Variants in COL21A1 observed in about 807,000 individuals in gnomAD.
COL21A1 encodes the protein collagen alpha-1(XXI) chain.
COL21A1 carries 149 observed loss-of-function variants against 137.9 expected under a neutral mutation model. That is an observed-to-expected ratio of 1.08 (90% CI 0.95 to 1.24). The LOEUF (loss-of-function observed/expected upper bound fraction) is 1.24, where lower values mean the gene tolerates loss of function less well. Ranked by LOEUF, COL21A1 falls within the 50% of genes most tolerant of loss-of-function variation. The probability of loss-of-function intolerance (pLI) is 0.00; values close to 1 mark genes in which losing one functional copy is unlikely to be tolerated. For synonymous variants in COL21A1, 456 were observed against 391.5 expected, an observed-to-expected ratio of 1.16 and a Z score of -1.95; for missense variants, 1,167 against 1,158.4, an observed-to-expected ratio of 1.01 and a Z score of -0.11.
chr6:56,290,742 C>T (rs9396190), intron 1 of COL21A1, among the ~76,000 whole-genome samples: 72,220 of 151,756 alleles, frequency 0.48, 18,687 homozygotes, highest in Non-Finnish European at 0.6. Flanking sequence ...CCTCGTGATC[C>T]ACCCGCCTCA....
intron 1 of COL21A1, among the ~76,000 whole-genome samples, chr6:56,267,610 G>T (rs373415106): frequency 6.6e-6 from 1 of 152,154 alleles, no homozygotes; most frequent in South Asian, 2.1e-4. Flanking sequence ...ATACAAAACA[G>T]CCAGGCATGG....
intron 1 of COL21A1, among the ~76,000 whole-genome samples, chr6:56,297,960 G>C (rs534950133): frequency 6.6e-6 from 1 of 152,092 alleles, no homozygotes; most frequent in Non-Finnish European, 1.5e-5. Flanking sequence ...CTTAGAAGGG[G>C]CATCTGGAAG....
chr6:56,187,622 G>A (rs574112274), intron 1 of COL21A1, among the ~76,000 whole-genome samples: 1 of 152,100 alleles, frequency 6.6e-6, no homozygotes, highest in African/African-American at 2.4e-5. Flanking sequence ...TGAATCAACT[G>A]AATAAACACA....
At chr6:56,284,731 G>C (rs1038852327) in intron 1 of COL21A1, among the ~76,000 whole-genome samples, 1 of 150,668 alleles carries the variant, frequency 6.6e-6, no homozygotes, top group Non-Finnish European at 1.5e-5. Context: ...CTGGCAATGA[G>C]ATGAACTTCA....
chr6:56,298,089 A>G (rs1319902488), intron 1 of COL21A1, among the ~76,000 whole-genome samples: 1 of 147,528 alleles, frequency 6.8e-6, no homozygotes, highest in African/African-American at 2.5e-5. Flanking sequence ...GTAATATAGT[A>G]ATACGGATGC....
intron 1 of COL21A1, chr6:56,231,092 G>A (rs1046266117): frequency 2.0e-5 from 3 of 151,848 alleles, no homozygotes; most frequent in Non-Finnish European, 4.4e-5. Context: ...TTACCTCCCA[G>A]ATGACTCTAC....
intron 3 of COL21A1, among the ~76,000 whole-genome samples, chr6:56,175,373 T>C (rs1582560320): frequency 7.6e-6 from 1 of 130,820 alleles, no homozygotes. Flanking sequence ...ATCATAAACA[T>C]AGAAAACCCT....
chr6:56,167,408 T>C (rs1376910136), intron 6 of COL21A1, among the ~76,000 whole-genome samples: 1 of 152,232 alleles, frequency 6.6e-6, no homozygotes, highest in African/African-American at 2.4e-5. Flanking sequence ...TGGAGTGTTG[T>C]GTGATTAGTA....
At chr6:56,131,837 C>T (rs977553763) in intron 12 of COL21A1, among the ~76,000 whole-genome samples, 1 of 152,022 alleles carries the variant, frequency 6.6e-6, no homozygotes, top group African/African-American at 2.4e-5. Context: ...GAACCACCAA[C>T]CTGAACTAAA....
chr6:56,199,068 A>T (rs1779211653), intron 1 of COL21A1, among the ~76,000 whole-genome samples: 2 of 152,068 alleles, frequency 1.3e-5, no homozygotes, highest in Admixed American at 1.3e-4. Flanking sequence ...GCTACCACAG[A>T]GACAGAGGTA....
upstream of COL21A1, among the ~76,000 whole-genome samples, chr6:56,252,404 G>A (rs757495238): frequency 3.3e-5 from 5 of 152,046 alleles, no homozygotes; most frequent in South Asian, 2.1e-4. Context: ...CTTCTACATC[G>A]GTTAGTGCCC....
intron 7 of COL21A1, chr6:56,166,685 C>T: frequency 1.6e-6 from 1 of 632,118 alleles, no homozygotes; most frequent in Non-Finnish European, 2.8e-6. Context: ...AAAACATTCC[C>T]TTGTGGTCTT....
chr6:56,348,784 A>G (rs1765647104), intron 1 of COL21A1, among the ~76,000 whole-genome samples: 1 of 152,240 alleles, frequency 6.6e-6, no homozygotes, highest in African/African-American at 2.4e-5. Context: ...TCCTTTGTGA[A>G]GACAGGAAGT....
At chr6:56,325,682 G>T (rs189811086) in intron 1 of COL21A1, among the ~76,000 whole-genome samples, 3,151 of 3,220 alleles carry the variant, frequency 0.98, 1,554 homozygotes, top group Middle Eastern at 1. Flanking sequence ...ATATATAATA[G>T]ATAATATAAA....
chr6:56,370,764 C>T (rs2093986884), intron 1 of COL21A1, among the ~76,000 whole-genome samples: 1 of 152,108 alleles, frequency 6.6e-6, no homozygotes, highest in Admixed American at 6.6e-5. Context: ...AACAATTGCT[C>T]ATAATTAAAC....
chr6:56,118,949 T>C (rs1772196597), intron 16 of COL21A1, among the ~76,000 whole-genome samples: 1 of 152,050 alleles, frequency 6.6e-6, no homozygotes, highest in Non-Finnish European at 1.5e-5. Flanking sequence ...AGGCCATCTA[T>C]GACAAACCCA....
At chr6:56,131,497 T>C (rs1458828953) in intron 12 of COL21A1, among the ~76,000 whole-genome samples, 1 of 151,702 alleles carries the variant, frequency 6.6e-6, no homozygotes, top group East Asian at 1.9e-4. Flanking sequence ...AAAATAAAAG[T>C]CCAGTAAAAC....
chr6:56,171,818 T>C (rs891557847), intron 3 of COL21A1, among the ~76,000 whole-genome samples: 1 of 151,806 alleles, frequency 6.6e-6, no homozygotes, highest in African/African-American at 2.4e-5. Context: ...TAGCATTACA[T>C]AGTCAGCTAT....
At chr6:56,344,577 T>A (rs1765547121) in intron 1 of COL21A1, among the ~76,000 whole-genome samples, 1 of 152,188 alleles carries the variant, frequency 6.6e-6, no homozygotes, top group South Asian at 2.1e-4. Flanking sequence ...GGATGAGAGT[T>A]CAGTTAATAA....
Sources: gnomAD v4.1 joint callset for allele counts (sites outside exome capture counted in the v4.1 genomes callset) on GRCh38, gnomAD v4.1.1 for gene constraint, MANE v1.5 for transcripts, NCBI Gene and HGNC (gene_info 2026-07-23, HGNC 2026-07-21) for gene names.